RAPGEF6: variants seen among roughly 807,000 people sequenced by gnomAD.
RAPGEF6 encodes the protein Rap guanine nucleotide exchange factor 6, also known as PDZ domain containing guanine nucleotide exchange factor (GEF) 2.
In RAPGEF6, 56 loss-of-function variants were observed where a neutral mutation model predicts 171.4. That is an observed-to-expected ratio of 0.33 (90% confidence interval 0.26 to 0.41). RAPGEF6 has a LOEUF of 0.41. Among genes scored for constraint, RAPGEF6 ranks in the 10% least tolerant of loss-of-function variants. The pLI is 1.00. For synonymous variants in RAPGEF6, 692 were observed against 650.1 expected (o/e 1.06, Z -0.98); for missense variants, 1,674 against 1,921.4 (o/e 0.87, Z 2.41).
intron 7 of RAPGEF6, 143 bp from the exon 8 acceptor site, chr5:131,510,634 G>T: frequency 1.4e-6 from 1 of 690,768 alleles, no homozygotes; most frequent in Non-Finnish European, 2.3e-6. Context: ...ACAATAAAAT[G>T]ATACTTATTT....
intron 3 of RAPGEF6, among the ~76,000 whole-genome samples, chr5:131,597,915 C>G (rs1482729652): frequency 6.6e-6 from 1 of 152,124 alleles, no homozygotes; most frequent in Non-Finnish European, 1.5e-5. Flanking sequence ...GATATGCTAA[C>G]TACCCTAATT....
chr5:131,616,985 GAAAAT>G (rs1329399060), intron 1 of RAPGEF6, among the ~76,000 whole-genome samples: 1 of 152,030 alleles, frequency 6.6e-6, no homozygotes, highest in African/African-American at 2.4e-5. Flanking sequence ...TCTTAACCTA[GAAAAT>G]AAATCTATCC....
At chr5:131,556,704 T>G (rs1761257581) in intron 5 of RAPGEF6, among the ~76,000 whole-genome samples, 1 of 152,192 alleles carries the variant, frequency 6.6e-6, no homozygotes, top group African/African-American at 2.4e-5. Context: ...TCAGGTTTCT[T>G]CTAGTTCTCC....
rs1166203517 is a variant in RAPGEF6, at chr5:131,498,339, T to G, written c.1419+104A>C. The G allele has an allele frequency of 8.7e-6, 9 of 1,039,566 alleles. No homozygotes were observed. In the African/African-American group the frequency reaches 1.4e-4, roughly 17 times the overall value. The allele number at this position is 1,039,566 out of a possible 1,614,324, so 64.4% of individuals were successfully genotyped here. On this transcript the variant is annotated intron_variant, in intron 12 of 27. Coordinates refer to ENST00000509018, the MANE Select transcript of RAPGEF6 (RefSeq NM_016340.6). Reference sequence around the variant, plus strand: ...TCAGGTTCATTAATTTTTTTAGGTGTACTGAATCTTATTATCATAATAAAC... The same window carrying G: ...TCAGGTTCATTAATTTTTTTAGGTGGACTGAATCTTATTATCATAATAAAC...
At chr5:131,453,574 G>C (rs1753258863) in intron 20 of RAPGEF6, among the ~76,000 whole-genome samples, 1 of 152,140 alleles carries the variant, frequency 6.6e-6, no homozygotes, top group Non-Finnish European at 1.5e-5. Context: ...CTGGGCAACA[G>C]AGTGAGATCT....
chr5:131,445,598 T>G (rs776286197), intron 22 of RAPGEF6, among the ~76,000 whole-genome samples: 5 of 152,114 alleles, frequency 3.3e-5, no homozygotes, highest in Non-Finnish European at 5.9e-5. Flanking sequence ...TATTTATTTT[T>G]GAGAGACTGA....
At chr5:131,449,834 A>G (rs1200899192) in intron 21 of RAPGEF6, among the ~76,000 whole-genome samples, 1 of 152,218 alleles carries the variant, frequency 6.6e-6, no homozygotes, top group Non-Finnish European at 1.5e-5. Flanking sequence ...CAATAGTGGA[A>G]AAATAAAGGA....
At chr5:131,560,621 A>C (rs987328930) in intron 5 of RAPGEF6, among the ~76,000 whole-genome samples, 1 of 152,246 alleles carries the variant, frequency 6.6e-6, no homozygotes, top group Non-Finnish European at 1.5e-5. Flanking sequence ...GGAATCCCAT[A>C]TATTCAGTGC....
At chr5:131,591,434 G>C (rs1763583118) in intron 4 of RAPGEF6, among the ~76,000 whole-genome samples, 1 of 152,140 alleles carries the variant, frequency 6.6e-6, no homozygotes, top group African/African-American at 2.4e-5. Context: ...TGTAGAGTAA[G>C]TCATTTATTT....
intron 4 of RAPGEF6, among the ~76,000 whole-genome samples, chr5:131,574,283 A>T (rs1762473639): frequency 6.6e-6 from 1 of 152,014 alleles, no homozygotes; most frequent in African/African-American, 2.4e-5. Context: ...TGGAGCTCAA[A>T]CCCAATGTTC....
intron 13 of RAPGEF6, among the ~76,000 whole-genome samples, chr5:131,493,089 G>C (rs190695465): frequency 6.6e-6 from 1 of 151,758 alleles, no homozygotes; most frequent in South Asian, 2.1e-4. Flanking sequence ...TTTTGAGACG[G>C]AGCCTCGCTC....
chr5:131,513,879 T>TTAGCCGGGTGTGGTGGCAC (rs1757904382), intron 7 of RAPGEF6, among the ~76,000 whole-genome samples: 1 of 151,958 alleles, frequency 6.6e-6, no homozygotes, highest in Non-Finnish European at 1.5e-5. Context: ...TGTGGTGGCA[T>TTAGCCGGGTGTGGTGGCAC]TAGCCGGGTG....
intron 1 of RAPGEF6, among the ~76,000 whole-genome samples, chr5:131,609,913 T>G (rs1054024951): frequency 6.6e-6 from 1 of 152,130 alleles, no homozygotes; most frequent in Non-Finnish European, 1.5e-5. Context: ...GTCCAACCAG[T>G]GGACCCAATT....
chr5:131,433,719 A>T, intron 24 of RAPGEF6, 61 bp from the exon 25 acceptor site: 5 of 1,198,130 alleles, frequency 4.2e-6, no homozygotes, highest in Non-Finnish European at 6.0e-6. Flanking sequence ...TGGGGGTAGT[A>T]GGGGAAAGGA....
rs115970151 is a variant in RAPGEF6 at position 131,593,958 on chromosome 5, G to A, written c.198-1492C>T. Among the ~76,000 whole-genome samples, 1,016 of 152,004 alleles carry A rather than the reference G, an allele frequency of 6.7e-3. 13 individuals carry two copies. Among genetic ancestry groups the A allele is most frequent in the African/African-American group, 0.023 (976 of 41,564 alleles). On this transcript the variant is annotated intron_variant, in intron 3 of 27. Coordinates refer to ENST00000509018, the MANE Select transcript of RAPGEF6 (RefSeq NM_016340.6). Reference sequence around the variant, plus strand: ...GGTAGAAAAGAAAACCCCATTCTCTGGGGAGAAATTCAAGCCCGCTGCAGA... The same window carrying A: ...GGTAGAAAAGAAAACCCCATTCTCTAGGGAGAAATTCAAGCCCGCTGCAGA...
intron 17 of RAPGEF6, 59 bp from the exon 18 acceptor site, chr5:131,464,340 C>T: frequency 7.3e-7 from 1 of 1,362,706 alleles, no homozygotes; most frequent in Admixed American, 1.8e-5. Flanking sequence ...TTAAACCCTT[C>T]AAAAAGCAAC....
At chr5:131,528,074 AAT>A (rs1264592661) in intron 6 of RAPGEF6, among the ~76,000 whole-genome samples, 4 of 77,650 alleles carry the variant, frequency 5.2e-5, no homozygotes, top group Non-Finnish European at 9.3e-5. Context: ...ATAAATTTAT[AAT>A]TTATATTATA....
At chr5:131,590,747 T>C (rs1403214971) in intron 4 of RAPGEF6, among the ~76,000 whole-genome samples, 1 of 152,244 alleles carries the variant, frequency 6.6e-6, no homozygotes, top group Non-Finnish European at 1.5e-5. Flanking sequence ...ATAAACTTCA[T>C]TGTCTTGATC....
At chr5:131,565,125 G>A (rs1346428240) in intron 4 of RAPGEF6, among the ~76,000 whole-genome samples, 1 of 152,040 alleles carries the variant, frequency 6.6e-6, no homozygotes, top group Non-Finnish European at 1.5e-5. Flanking sequence ...TATATAAAGT[G>A]AATTCACTGT....
Sources: allele counts gnomAD v4.1 joint callset (sites outside exome capture counted in the v4.1 genomes callset), GRCh38; gene constraint gnomAD v4.1.1; transcripts MANE v1.5; gene names NCBI Gene and HGNC (gene_info 2026-07-23, HGNC 2026-07-21).